THEMIS: variants seen among roughly 807,000 people sequenced by gnomAD.
THEMIS encodes the protein thymocyte selection associated.
THEMIS carries 37 observed loss-of-function variants against 52.6 expected under a neutral mutation model. That is an observed-to-expected ratio of 0.70 (90% confidence interval 0.54 to 0.93). The LOEUF is 0.93. Ranked by LOEUF, THEMIS falls within the 40% of genes least tolerant of loss-of-function variation. The probability of loss-of-function intolerance (pLI) is 0.00; values close to 1 mark genes in which losing one functional copy is unlikely to be tolerated. For synonymous variants in THEMIS, 292 were observed against 272.7 expected, an observed-to-expected ratio of 1.07 and a Z score of -0.70; for missense variants, 808 against 763.1, an observed-to-expected ratio of 1.06 and a Z score of -0.69.
intron 4 of THEMIS, among the ~76,000 whole-genome samples, chr6:127,735,890 T>C (rs1774988597): frequency 6.6e-6 from 1 of 152,232 alleles, no homozygotes; most frequent in South Asian, 2.1e-4. Context: ...TATGCTCTTT[T>C]TGAGGATTTT....
intron 3 of THEMIS, among the ~76,000 whole-genome samples, chr6:127,822,327 T>G (rs1778367887): frequency 6.6e-6 from 1 of 152,066 alleles, no homozygotes; most frequent in Non-Finnish European, 1.5e-5. Context: ...TTAAATTTAT[T>G]TAACTTTATT....
intron 4 of THEMIS, among the ~76,000 whole-genome samples, chr6:127,802,942 G>A (rs1040308025): frequency 1.3e-5 from 2 of 152,152 alleles, no homozygotes; most frequent in Non-Finnish European, 2.9e-5. Flanking sequence ...TTTTCTGAAT[G>A]TGTTTTAATC....
chr6:127,842,299 A>C (rs1779076008), intron 2 of THEMIS, among the ~76,000 whole-genome samples: 1 of 152,022 alleles, frequency 6.6e-6, no homozygotes, highest in Non-Finnish European at 1.5e-5. Context: ...TTTTCTGTTA[A>C]TGGAGTATAT....
intron 3 of THEMIS, among the ~76,000 whole-genome samples, chr6:127,815,228 G>A (rs1361455198): frequency 6.6e-6 from 1 of 151,522 alleles, no homozygotes; most frequent in Non-Finnish European, 1.5e-5. Context: ...ATATTTTCTT[G>A]ATAATTTACT....
chr6:127,822,684 T>C lies in THEMIS; in HGVS notation c.709+6792A>G, dbSNP rs372772183. ...AACTTGCTTAGGCTATATTACCTAGTTATTTATTCAAACACTAACCTAGGT... is the reference window on the plus strand; with the variant it reads ...AACTTGCTTAGGCTATATTACCTAGCTATTTATTCAAACACTAACCTAGGT... On this transcript the variant is annotated intron_variant, in intron 3 of 5. Coordinates refer to ENST00000368248, the MANE Select transcript of THEMIS (RefSeq NM_001010923.3). 4.1e-4 allele frequency among the ~76,000 whole-genome samples: 62 copies of C among 152,280 alleles called. 1 individual carries two copies. In the South Asian group the frequency reaches 0.013, roughly 32 times the overall value.
rs564874193 is a variant in THEMIS at position 127,801,052 on chromosome 6, T to C, written c.1758+11831A>G. 2.0e-4 allele frequency among the ~76,000 whole-genome samples: 30 copies of C among 152,356 alleles called. No homozygotes were observed. The South Asian group carries it at 5.8e-3, about 29-fold the overall frequency. Reference sequence around the variant, plus strand: ...GATCAAAAAATGCTAAGGACTCTACTTCTAATAGTGTGGAGAACACTGAGT... The same window carrying C: ...GATCAAAAAATGCTAAGGACTCTACCTCTAATAGTGTGGAGAACACTGAGT... On this transcript the variant is annotated intron_variant, in intron 4 of 5. Coordinates refer to ENST00000368248, the MANE Select transcript of THEMIS (RefSeq NM_001010923.3).
At chr6:127,918,016 C>T (rs1230702577) in intron 1 of THEMIS, among the ~76,000 whole-genome samples, 2 of 152,086 alleles carry the variant, frequency 1.3e-5, no homozygotes, top group Non-Finnish European at 2.9e-5. Flanking sequence ...AGTAAAAGTC[C>T]TCATTGCAAG....
At chr6:127,733,231 T>C (rs765552340) in intron 4 of THEMIS, among the ~76,000 whole-genome samples, 105 of 152,210 alleles carry the variant, frequency 6.9e-4, no homozygotes, top group Admixed American at 6.5e-5. Flanking sequence ...TCTTTATATA[T>C]TCTGAACACA....
intron 3 of THEMIS, among the ~76,000 whole-genome samples, chr6:127,816,862 C>T (rs1281098196): frequency 6.6e-6 from 1 of 152,146 alleles, no homozygotes; most frequent in African/African-American, 2.4e-5. Context: ...TCTCCCGGAC[C>T]TCCTCATTGT....
chr6:127,778,725 C>A (rs1288180227), intron 4 of THEMIS, among the ~76,000 whole-genome samples: 1 of 151,800 alleles, frequency 6.6e-6, no homozygotes, highest in Non-Finnish European at 1.5e-5. Context: ...CTTATGTGTG[C>A]AGTTTTGTAT....
intron 4 of THEMIS, among the ~76,000 whole-genome samples, chr6:127,772,592 T>C (rs780915067): frequency 6.6e-6 from 1 of 152,138 alleles, no homozygotes; most frequent in Non-Finnish European, 1.5e-5. Context: ...CTAGAAAGAA[T>C]TTGGATGTGA....
intron 2 of THEMIS, among the ~76,000 whole-genome samples, chr6:127,852,578 G>C (rs754453150): frequency 2.0e-5 from 3 of 151,358 alleles, no homozygotes; most frequent in Non-Finnish European, 4.4e-5. Flanking sequence ...AGGAAATTTT[G>C]GGAAATTTAC....
At chr6:127,906,742 G>A (rs1009041812) in intron 1 of THEMIS, among the ~76,000 whole-genome samples, 4 of 151,874 alleles carry the variant, frequency 2.6e-5, no homozygotes, top group Admixed American at 2.6e-4. Context: ...TTCTGCTAAA[G>A]AACAGAGAAG....
At chr6:127,699,442 G>C in the THEMIS span, among the ~76,000 whole-genome samples, 1 of 149,036 alleles carries the variant, frequency 6.7e-6, no homozygotes, top group East Asian at 2.0e-4. Context: ...TAAAAGCTAG[G>C]GTGAAAAGTA....
chr6:127,862,974 T>A (rs1038060585), intron 1 of THEMIS, among the ~76,000 whole-genome samples: 13 of 152,272 alleles, frequency 8.5e-5, no homozygotes, highest in African/African-American at 3.1e-4. Flanking sequence ...TTATCTTGCT[T>A]TCTTTAAGCA....
At chr6:127,766,294 C>T (rs770576928) in intron 4 of THEMIS, among the ~76,000 whole-genome samples, 1 of 152,124 alleles carries the variant, frequency 6.6e-6, no homozygotes, top group African/African-American at 2.4e-5. Context: ...TCCATGTATC[C>T]TTTTTGCCTG....
chr6:127,915,559 G>A (rs1208629361), intron 1 of THEMIS, among the ~76,000 whole-genome samples: 2 of 146,742 alleles, frequency 1.4e-5, no homozygotes, highest in African/African-American at 5.1e-5. Context: ...AGGGGGCTAG[G>A]GGTGGGGAGA....
the THEMIS span, among the ~76,000 whole-genome samples, chr6:127,702,619 T>G: frequency 1.3e-5 from 1 of 75,216 alleles, no homozygotes; most frequent in South Asian, 3.0e-4. Context: ...CTAACCTGTT[T>G]TTTTTTTTTT....
At chr6:127,715,405 T>C (rs1314117838) in intron 5 of THEMIS, among the ~76,000 whole-genome samples, 1 of 151,932 alleles carries the variant, frequency 6.6e-6, no homozygotes, top group Non-Finnish European at 1.5e-5. Context: ...CATTGAATTA[T>C]TGAGGTGTTT....
Sources: gnomAD v4.1 joint callset for allele counts (sites outside exome capture counted in the v4.1 genomes callset) on GRCh38, gnomAD v4.1.1 for gene constraint, MANE v1.5 for transcripts, NCBI Gene and HGNC (gene_info 2026-07-23, HGNC 2026-07-21) for gene names.